MED13L: variants seen among roughly 807,000 people sequenced by gnomAD.
The protein encoded by MED13L is mediator of RNA polymerase II transcription subunit 13-like.
A neutral mutation model predicts 220.9 loss-of-function variants in MED13L; 7 were observed. The ratio of observed to expected loss-of-function variants is 0.03; its 90% CI spans 0.02 to 0.06. MED13L has a LOEUF of 0.06. Ranked by LOEUF, MED13L falls within the 10% of genes least tolerant of loss-of-function variation. The probability of loss-of-function intolerance (pLI) is 1.00; values close to 1 mark genes in which losing one functional copy is unlikely to be tolerated. For missense variants in MED13L, 1,965 were observed against 2,760.5 expected (o/e 0.71, Z 6.46); for synonymous variants, 1,011 against 1,015.2 (o/e 1.00, Z 0.08).
intron 7 of MED13L, among the ~76,000 whole-genome samples, chr12:116,017,612 G>A (rs755152561): frequency 6.6e-5 from 10 of 152,022 alleles, no homozygotes; most frequent in Non-Finnish European, 1.3e-4. Flanking sequence ...AATGAAAGCC[G>A]CAAGTACTTT....
intron 4 of MED13L, among the ~76,000 whole-genome samples, chr12:116,050,368 C>T (rs756389994): frequency 6.6e-6 from 1 of 152,072 alleles, no homozygotes; most frequent in Non-Finnish European, 1.5e-5. Flanking sequence ...TTTCTGTGTA[C>T]ACATGGAACA....
chr12:116,224,637 G>C (rs903890081), intron 2 of MED13L, among the ~76,000 whole-genome samples: 1 of 152,102 alleles, frequency 6.6e-6, no homozygotes, highest in South Asian at 2.1e-4. Context: ...TGTAACAATG[G>C]TAACACCTTA....
At chr12:116,197,217 ACT>A (rs1477681498) in intron 2 of MED13L, among the ~76,000 whole-genome samples, 3 of 152,158 alleles carry the variant, frequency 2.0e-5, no homozygotes, top group Non-Finnish European at 4.4e-5. Flanking sequence ...GAAACCGTGT[ACT>A]CGGCTGAAGG....
chr12:116,167,616 T>C (rs1028629696), intron 2 of MED13L, among the ~76,000 whole-genome samples: 1 of 152,232 alleles, frequency 6.6e-6, no homozygotes, highest in Non-Finnish European at 1.5e-5. Context: ...CTGTGTACTA[T>C]ACTCCATTAG....
intron 29 of MED13L, among the ~76,000 whole-genome samples, chr12:115,965,377 TTC>T (rs1876076185): frequency 6.6e-6 from 1 of 152,222 alleles, no homozygotes; most frequent in Admixed American, 6.5e-5. Flanking sequence ...CTTTGGGCTA[TTC>T]CTTAGAGGTG....
At position 115,968,952 on chromosome 12, in the gene MED13L, G is replaced by A; in HGVS notation, c.6213C>T (p.Phe2071=). 1.9e-6 allele frequency: 3 copies of A among 1,614,040 alleles called. No homozygotes were observed. Among genetic ancestry groups the A allele is most frequent in the Non-Finnish European group, 2.5e-6 (3 of 1,179,952 alleles). ...AAATCATCCTTACCCGACTATGCTGGAAGTGAGAGCCCACACCAATTCCAG... is the reference window on the plus strand; with the variant it reads ...AAATCATCCTTACCCGACTATGCTGAAAGTGAGAGCCCACACCAATTCCAG... ...SPSGIGVGSH[F]QHSRSQGERL... The change falls in exon 28 of 31, where the codon TTC becomes TTT. Residue 2071 remains phenylalanine (F), a synonymous_variant. Coordinates refer to ENST00000281928, the MANE Select transcript of MED13L (RefSeq NM_015335.5).
intron 3 of MED13L, among the ~76,000 whole-genome samples, chr12:116,110,429 A>T (rs1312284234): frequency 6.6e-6 from 1 of 152,124 alleles, no homozygotes. Flanking sequence ...CTTCCTTACA[A>T]CAGGATGCCA....
chr12:116,147,975 C>G (rs993567920), intron 2 of MED13L, among the ~76,000 whole-genome samples: 1 of 138,542 alleles, frequency 7.2e-6, no homozygotes, highest in African/African-American at 2.7e-5. Flanking sequence ...TCTCCTGGCC[C>G]GGGAGGCAGG....
chr12:116,056,682 A>C (rs1869000526), intron 4 of MED13L, among the ~76,000 whole-genome samples: 1 of 152,224 alleles, frequency 6.6e-6, no homozygotes, highest in Non-Finnish European at 1.5e-5. Flanking sequence ...TTCTCCAAGA[A>C]GTAATCAGGT....
At chr12:116,042,291 T>G (rs1881580068) in intron 4 of MED13L, among the ~76,000 whole-genome samples, 1 of 152,232 alleles carries the variant, frequency 6.6e-6, no homozygotes, top group Admixed American at 6.5e-5. Flanking sequence ...CCATCTTGGC[T>G]ATCCCTGAAA....
chr12:116,260,898 T>C (rs1303200170), intron 1 of MED13L, among the ~76,000 whole-genome samples: 4 of 152,246 alleles, frequency 2.6e-5, no homozygotes, highest in Non-Finnish European at 5.9e-5. Flanking sequence ...CTTTCTGGGC[T>C]TACCACTATT....
rs751600660 is a variant in MED13L, at chr12:116,109,060, C to CTTT, written c.395+2365_395+2367dup. On this transcript the variant is annotated intron_variant, in intron 3 of 30. Transcript: ENST00000281928. ...AACTTTATATGTCATAATTAATTTC[C>CTTT]TTTTTTTTTTTTTTTTTTTTTTTTT... Among the ~76,000 whole-genome samples the CTTT allele has an allele frequency of 8.1e-4, 79 of 97,110 alleles. 6 individuals are homozygous for CTTT. The highest frequency in any genetic ancestry group is 8.8e-4 in the Non-Finnish European group (43 of 49,024). 63.7% of individuals were successfully genotyped at this position (97,110 alleles called of 152,430 possible).
chr12:115,987,302 GAGAAGAA>G lies in MED13L; in HGVS notation c.3935-21_3935-15del. On this transcript the variant is annotated splice_polypyrimidine_tract_variant and intron_variant, in intron 17 of 30. Transcript: ENST00000281928. ...TGATGTCCAGCACTGGAAGAGAAGT[GAGAAGAA>G]ACAGAGAAGATAAGGGGGCTAGCAC... 6.2e-7 allele frequency: 1 copy of G among 1,610,314 alleles called. No individual in the cohort carries two copies.
At chr12:116,003,312 G>C (rs556636874) in intron 13 of MED13L, among the ~76,000 whole-genome samples, 2 of 152,170 alleles carry the variant, frequency 1.3e-5, no homozygotes, top group Non-Finnish European at 2.9e-5. Context: ...CATGGATCTT[G>C]TGAGGGCAGA....
intron 11 of MED13L, 68 bp downstream of exon 11, chr12:116,007,343 C>T (rs1317093113): frequency 4.9e-6 from 7 of 1,441,054 alleles, no homozygotes; most frequent in Non-Finnish European, 6.8e-6. Context: ...CAAAGTCTTC[C>T]CACACATGTT....
Position 116,277,113 on chromosome 12 carries a change from A to T in MED13L, c.19T>A (p.Trp7Arg). 1 of 1,586,830 alleles carries T rather than the reference A, an allele frequency of 6.3e-7. No homozygotes were observed. The highest frequency in any genetic ancestry group is 8.6e-7 in the Non-Finnish European group (1 of 1,168,586). The change falls in exon 1 of 31, where the codon TGG (tryptophan) becomes AGG (arginine). Residue 7 changes from tryptophan (W) to arginine (R), a missense_variant. Coordinates refer to ENST00000281928, the MANE Select transcript of MED13L (RefSeq NM_015335.5). MTAAAN[W>R]VANGASLEDC... Reference sequence around the variant, plus strand: ...TCCAGGCTCGCCCCGTTCGCCACCCAGTTCGCTGCCGCAGTCATGATCCTC... The same window carrying T: ...TCCAGGCTCGCCCCGTTCGCCACCCTGTTCGCTGCCGCAGTCATGATCCTC...
chr12:115,987,844 G>A (rs778614803), intron 17 of MED13L, among the ~76,000 whole-genome samples: 6 of 152,184 alleles, frequency 3.9e-5, no homozygotes, highest in Admixed American at 6.5e-5. Flanking sequence ...ACCGAAGTCC[G>A]CTGCAGGCAC....
At chr12:115,994,925 T>G (rs1878302480) in intron 16 of MED13L, among the ~76,000 whole-genome samples, 1 of 152,190 alleles carries the variant, frequency 6.6e-6, no homozygotes, top group South Asian at 2.1e-4. Flanking sequence ...GGAAGTCCTG[T>G]GCGGGAGGCA....
At chr12:116,222,912 G>A (rs940089153) in intron 2 of MED13L, among the ~76,000 whole-genome samples, 7 of 152,108 alleles carry the variant, frequency 4.6e-5, no homozygotes, top group Admixed American at 3.9e-4. Flanking sequence ...TGCCTAAATC[G>A]TACAATCTCA....
Sources: gnomAD v4.1 joint callset for allele counts (sites outside exome capture counted in the v4.1 genomes callset) on GRCh38, gnomAD v4.1.1 for gene constraint, MANE v1.5 for transcripts, NCBI Gene and HGNC (gene_info 2026-07-23, HGNC 2026-07-21) for gene names.